PLD1: variants seen among roughly 807,000 people sequenced by gnomAD.
The protein encoded by PLD1 is phospholipase D1, also known as choline phosphatase 1.
A neutral mutation model predicts 137.1 loss-of-function variants in PLD1; 112 were observed. The observed-to-expected ratio is 0.82, with a 90% CI of 0.70 to 0.96. The LOEUF is 0.96. PLD1 is among the 40% of genes least tolerant of loss of function. The probability of loss-of-function intolerance (pLI) is 0.00; values close to 1 mark genes in which losing one functional copy is unlikely to be tolerated. For synonymous variants in PLD1, 431 were observed against 454.7 expected (o/e 0.95, Z 0.66); for missense variants, 1,321 against 1,342.0 (o/e 0.98, Z 0.24).
At chr3:171,713,318 G>C (rs569804563) in intron 9 of PLD1, among the ~76,000 whole-genome samples, 1 of 152,054 alleles carries the variant, frequency 6.6e-6, no homozygotes, top group Non-Finnish European at 1.5e-5. Context: ...AACTTTAGTC[G>C]GGGGTGGTGG....
chr3:171,628,602 A>G (rs1356169204), intron 23 of PLD1, among the ~76,000 whole-genome samples: 18 of 151,966 alleles, frequency 1.2e-4, no homozygotes, highest in African/African-American at 4.1e-4. Flanking sequence ...CATTGATGCA[A>G]AAATCCTCAA....
At chr3:171,741,298 C>T (rs891623239) in intron 1 of PLD1, among the ~76,000 whole-genome samples, 2 of 152,300 alleles carry the variant, frequency 1.3e-5, no homozygotes, top group Non-Finnish European at 2.9e-5. Flanking sequence ...TTGTCTATCT[C>T]TACCTTTACT....
At chr3:171,674,669 T>C (rs966405273) in intron 18 of PLD1, 56 bp from the exon 19 acceptor site, 5 of 1,009,906 alleles carry the variant, frequency 5.0e-6, no homozygotes, top group Non-Finnish European at 6.1e-6. Context: ...TCATTCTCCC[T>C]ACTTTGTGAT....
intron 9 of PLD1, among the ~76,000 whole-genome samples, chr3:171,712,084 G>T (rs1359589400): frequency 1.3e-5 from 2 of 152,128 alleles, no homozygotes; most frequent in Admixed American, 6.5e-5. Flanking sequence ...CAGGGAAGGG[G>T]GCTGTGTTCA....
intron 23 of PLD1, among the ~76,000 whole-genome samples, chr3:171,631,221 A>G (rs1158868473): frequency 6.6e-6 from 1 of 152,132 alleles, no homozygotes; most frequent in African/African-American, 2.4e-5. Context: ...CAAGTGTTAA[A>G]CTCTAGTAAG....
intron 26 of PLD1, among the ~76,000 whole-genome samples, chr3:171,604,996 T>C (rs1732095323): frequency 6.6e-6 from 1 of 152,208 alleles, no homozygotes; most frequent in African/African-American, 2.4e-5. Context: ...GCCCCTCTTC[T>C]CTTTGTCACT....
chr3:171,790,445 G>A (rs1210620218), intron 1 of PLD1, among the ~76,000 whole-genome samples: 1 of 152,196 alleles, frequency 6.6e-6, no homozygotes, highest in South Asian at 2.1e-4. Context: ...GAATCACCCA[G>A]AAAGACACTA....
At position 171,760,294 on chromosome 3, in the gene PLD1, T is replaced by G. The variant is rs376405867; in HGVS notation, c.-31-22212A>C. 1.8e-4 allele frequency among the ~76,000 whole-genome samples: 27 copies of G among 152,346 alleles called. No homozygotes were observed. The East Asian group carries it at 4.4e-3, about 25-fold the overall frequency. On this transcript the variant is annotated intron_variant, in intron 1 of 26. Coordinates refer to ENST00000351298, the MANE Select transcript of PLD1 (RefSeq NM_002662.5). ...CCTTAATGCCTTCAATTACACATTC[T>G]TCACACTTTCTGCTATCACTTTCCC...
At chr3:171,774,754 G>A (rs1722533480) in intron 1 of PLD1, among the ~76,000 whole-genome samples, 1 of 152,218 alleles carries the variant, frequency 6.6e-6, no homozygotes, top group Non-Finnish European at 1.5e-5. Flanking sequence ...CTGGAGCCAC[G>A]TGGTGGTTAC....
chr3:171,633,473 C>T lies in PLD1; in HGVS notation c.2593+9367G>A, dbSNP rs149079005. 6.5e-3 allele frequency among the ~76,000 whole-genome samples: 991 copies of T among 152,042 alleles called. 3 individuals carry two copies. The highest frequency in any genetic ancestry group is 0.018 in the African/African-American group (733 of 41,480). ...GAACATTGGTGTGTGCATCACACAC[C>T]GGGGCCTGTTGCGGGGATGGGAGGC... On this transcript the variant is annotated intron_variant, in intron 23 of 26. Coordinates refer to ENST00000351298, the MANE Select transcript of PLD1 (RefSeq NM_002662.5).
intron 23 of PLD1, among the ~76,000 whole-genome samples, chr3:171,639,848 C>CTCTATATA (rs3050415): frequency 0.025 from 2,735 of 110,014 alleles, 44 homozygotes; most frequent in Admixed American, 0.03. Context: ...CTCTCTCTCT[C>CTCTATATA]TATATATATA....
intron 6 of PLD1, among the ~76,000 whole-genome samples, chr3:171,729,048 T>C (rs1315515971): frequency 6.6e-6 from 1 of 152,208 alleles, no homozygotes; most frequent in African/African-American, 2.4e-5. Flanking sequence ...TTAACAAAGA[T>C]GATGTTGTCC....
chr3:171,764,878 A>AGGAAGGAAGG (rs1491270656), intron 1 of PLD1, among the ~76,000 whole-genome samples: 1 of 21,238 alleles, frequency 4.7e-5, no homozygotes, highest in African/African-American at 1.9e-4. Flanking sequence ...AAAGAAAGAA[A>AGGAAGGAAGG]GAAAGAAAGA....
chr3:171,682,100 C>T (rs1578260616), intron 16 of PLD1, among the ~76,000 whole-genome samples: 2 of 54,538 alleles, frequency 3.7e-5, no homozygotes, highest in Admixed American at 4.8e-4. Context: ...AAGTATAATA[C>T]AGAAAGAAAA....
chr3:171,722,538 A>C (rs1718206060), intron 8 of PLD1, among the ~76,000 whole-genome samples: 2 of 152,178 alleles, frequency 1.3e-5, no homozygotes, highest in South Asian at 4.1e-4. Flanking sequence ...AGATTTGTCT[A>C]TTCTGAAAAT....
chr3:171,724,752 T>G lies in PLD1; in HGVS notation c.702A>C (p.Arg234Ser), dbSNP rs1718377723. 1 of 1,610,790 alleles carries G rather than the reference T, an allele frequency of 6.2e-7. No homozygotes were observed. The change falls in exon 8 of 27, where the codon AGA (arginine) becomes AGC (serine). Residue 234 changes from arginine to serine, a missense_variant. Physicochemically the swap from Arg to Ser is moderately radical, Grantham distance 110. Coordinates refer to ENST00000351298, the MANE Select transcript of PLD1 (RefSeq NM_002662.5). ...GMIMKRSGGH[R>S]IPGLNCCGQG... ...GACCACAGCAATTCAAGCCTGGTATTCTGTGTCCTCCAGATCTTTTCATTA... is the reference window on the plus strand; with the variant it reads ...GACCACAGCAATTCAAGCCTGGTATGCTGTGTCCTCCAGATCTTTTCATTA...
At chr3:171,734,053 T>C (rs1314721896) in intron 5 of PLD1, among the ~76,000 whole-genome samples, 2 of 152,228 alleles carry the variant, frequency 1.3e-5, no homozygotes, top group Non-Finnish European at 2.9e-5. Context: ...GTCAATCATA[T>C]TGACCATGAT....
chr3:171,725,937 A>G (rs968666775), intron 7 of PLD1, 81 bp downstream of exon 7: 2 of 934,356 alleles, frequency 2.1e-6, no homozygotes, highest in African/African-American at 1.6e-5. Context: ...GGAGGACTCC[A>G]TCACCATGGC....
At chr3:171,678,460 CTG>C (rs1194421471) in intron 16 of PLD1, among the ~76,000 whole-genome samples, 2 of 152,152 alleles carry the variant, frequency 1.3e-5, no homozygotes, top group Non-Finnish European at 2.9e-5. Context: ...TCACAAATAA[CTG>C]TGCCGAGACC....
Sources: allele counts gnomAD v4.1 joint callset (sites outside exome capture counted in the v4.1 genomes callset), GRCh38; gene constraint gnomAD v4.1.1; transcripts MANE v1.5; gene names NCBI Gene and HGNC (gene_info 2026-07-23, HGNC 2026-07-21).